The following BMERB1 variants were observed in gnomAD, a reference collection of about 807,000 sequenced individuals.
BMERB1 encodes the protein bMERB domain containing 1.
Under a neutral mutation model 23.6 loss-of-function variants are expected in BMERB1, and 12 were observed. The ratio of observed to expected loss-of-function variants is 0.51; its 90% CI spans 0.33 to 0.82. BMERB1 has a LOEUF of 0.82. BMERB1 is among the 40% of genes least tolerant of loss of function. The probability of loss-of-function intolerance (pLI) is 0.03; values close to 1 mark genes in which losing one functional copy is unlikely to be tolerated. For synonymous variants in BMERB1, 122 were observed against 96.6 expected (o/e 1.26, Z -1.54); for missense variants, 247 against 255.4 (o/e 0.97, Z 0.22).
Position 15,532,941 on chromosome 16 carries a change from G to T in BMERB1, c.230+17513G>T, listed in dbSNP as rs544138304. 2.2e-5 allele frequency: 10 copies of T among 451,496 alleles called. No individual in the cohort carries two copies. The East Asian group carries it at 7.0e-4, about 32-fold the overall frequency. The allele number at this position is 451,496 out of a possible 1,614,324, so 28.0% of individuals were successfully genotyped here. A position where few individuals can be genotyped will look rare whatever the true frequency, so the allele number is the denominator to read the frequency against. On this transcript the variant is annotated intron_variant, in intron 2 of 5. Transcript: ENST00000300006. Reference sequence around the variant, plus strand: ...CCTGGTAAGTGTGTTTACTTGCTCCGGATTAAATTACACCTAGATTTACAT... The same window carrying T: ...CCTGGTAAGTGTGTTTACTTGCTCCTGATTAAATTACACCTAGATTTACAT...
chr16:15,555,626 TG>T (rs2030232118), intron 2 of BMERB1, among the ~76,000 whole-genome samples: 1 of 152,108 alleles, frequency 6.6e-6, no homozygotes, highest in African/African-American at 2.4e-5. Flanking sequence ...TCCATTAAAA[TG>T]GCCACAGAGA....
chr16:15,541,849 G>A (rs1191988041), intron 2 of BMERB1, among the ~76,000 whole-genome samples: 15 of 150,916 alleles, frequency 9.9e-5, no homozygotes, highest in African/African-American at 2.9e-4. Context: ...TGATCCGCCC[G>A]CCTCGGCCTC....
In BMERB1 at chr16:15,445,438, G is replaced by A. The variant is rs1598442133; in HGVS notation, c.106+10679G>A. On this transcript the variant is annotated intron_variant, in intron 1 of 5. Transcript: ENST00000300006. Reference sequence around the variant, plus strand: ...GAGTAAGTAGGGGGCTGGCAGCAGGGTAGCTAATGGAGCAAAGAGGAGGGG... The same window carrying A: ...GAGTAAGTAGGGGGCTGGCAGCAGGATAGCTAATGGAGCAAAGAGGAGGGG... Among the ~76,000 whole-genome samples the A allele has an allele frequency of 3.3e-5, 5 of 152,300 alleles. No individual in the cohort carries two copies. The South Asian group carries it at 8.3e-4, about 25-fold the overall frequency.
At chr16:15,434,879 G>C in intron 1 of BMERB1, 120 bp downstream of exon 1, 1 of 814,866 alleles carries the variant, frequency 1.2e-6, no homozygotes, top group South Asian at 1.8e-5. Context: ...CCCCGCAGCG[G>C]GGCTGGCAGC....
chr16:15,545,190 C>A (rs1270849407), intron 2 of BMERB1, among the ~76,000 whole-genome samples: 1 of 152,070 alleles, frequency 6.6e-6, no homozygotes, highest in Non-Finnish European at 1.5e-5. Flanking sequence ...CCAGGCTGGT[C>A]TCGAACTCCT....
chr16:15,507,606 G>A (rs1426260949), intron 1 of BMERB1, among the ~76,000 whole-genome samples: 2 of 152,098 alleles, frequency 1.3e-5, no homozygotes, highest in African/African-American at 2.4e-5. Flanking sequence ...TGCTCCTCCC[G>A]TTTCTTCCCG....
intron 1 of BMERB1, 114 bp downstream of exon 1, chr16:15,434,873 G>A (rs1358035874): frequency 1.1e-5 from 10 of 869,912 alleles, no homozygotes; most frequent in South Asian, 1.8e-5. Flanking sequence ...AAGCGCCCCC[G>A]CAGCGGGGCT....
intron 3 of BMERB1, among the ~76,000 whole-genome samples, chr16:15,570,017 GC>G (rs2030683239): frequency 6.6e-6 from 1 of 152,166 alleles, no homozygotes; most frequent in Admixed American, 6.5e-5. Flanking sequence ...ATTAAGGGCA[GC>G]TTGGAGGTTA....
At chr16:15,499,970 T>G (rs1455369805) in intron 1 of BMERB1, among the ~76,000 whole-genome samples, 1 of 152,202 alleles carries the variant, frequency 6.6e-6, no homozygotes, top group African/African-American at 2.4e-5. Flanking sequence ...TCAATATAGT[T>G]AATAGCAATG....
chr16:15,470,235 G>T (rs1352621160), intron 1 of BMERB1, among the ~76,000 whole-genome samples: 1 of 152,094 alleles, frequency 6.6e-6, no homozygotes, highest in Non-Finnish European at 1.5e-5. Context: ...TGATACAATT[G>T]TATGATTTTT....
At chr16:15,567,019 C>T (rs1287894293) in intron 2 of BMERB1, among the ~76,000 whole-genome samples, 1 of 151,616 alleles carries the variant, frequency 6.6e-6, no homozygotes. Flanking sequence ...CCTCTCTCTA[C>T]AAAAAACTGT....
chr16:15,475,411 G>A (rs1289547309), intron 1 of BMERB1, among the ~76,000 whole-genome samples: 1 of 152,204 alleles, frequency 6.6e-6, no homozygotes, highest in African/African-American at 2.4e-5. Context: ...CTTTGCTAGA[G>A]GGACTCACAG....
intron 1 of BMERB1, among the ~76,000 whole-genome samples, chr16:15,488,588 C>T (rs929179774): frequency 2.6e-5 from 4 of 151,342 alleles, no homozygotes; most frequent in African/African-American, 9.7e-5. Context: ...AATCCCAGCA[C>T]TTTGGGAGGC....
At position 15,480,606 on chromosome 16, in the gene BMERB1, C is replaced by CTTTT. The variant is rs1159247360; in HGVS notation, c.107-34677_107-34674dup. On this transcript the variant is annotated intron_variant, in intron 1 of 5. Transcript: ENST00000300006. ...TTCATCCATATGCCAATTCCACTGT[C>CTTTT]TTTTTTTTTTTTTTTTTTTTTTTTT... is the stretch of plus-strand genomic sequence containing the variant. Among the ~76,000 whole-genome samples the CTTTT allele has an allele frequency of 5.7e-3, 339 of 59,010 alleles. 2 individuals are homozygous for CTTTT. The highest frequency in any genetic ancestry group is 9.0e-3 in the African/African-American group (136 of 15,082). The allele number at this position is 59,010 out of a possible 152,430, so 38.7% of individuals were successfully genotyped here.
In BMERB1 at chr16:15,497,246, A is replaced by G. The variant is rs1269224848; in HGVS notation, c.107-18059A>G. ...CTCACATCCATCTCCCTGACCAACT[A>G]AAATCAAGGGTTTATACAGCAGGGA... On this transcript the variant is annotated intron_variant, in intron 1 of 5. Coordinates refer to ENST00000300006, the MANE Select transcript of BMERB1 (RefSeq NM_033201.3). Among the ~76,000 whole-genome samples, 6 of 152,190 alleles carry G rather than the reference A, an allele frequency of 3.9e-5. No homozygotes were observed. In the South Asian group the frequency reaches 6.2e-4, roughly 16 times the overall value.
chr16:15,526,928 GTAAA>G (rs1218933194), intron 2 of BMERB1, among the ~76,000 whole-genome samples: 1 of 147,536 alleles, frequency 6.8e-6, no homozygotes, highest in African/African-American at 2.5e-5. Context: ...TGAAATAATA[GTAAA>G]TAATAATAAA....
intron 1 of BMERB1, among the ~76,000 whole-genome samples, chr16:15,485,563 C>T (rs556446965): frequency 7.7e-4 from 117 of 152,140 alleles, no homozygotes; most frequent in Non-Finnish European, 1.4e-3. Flanking sequence ...GGAAATTATG[C>T]AGCCACATTT....
At chr16:15,436,208 T>C (rs984001682) in intron 1 of BMERB1, among the ~76,000 whole-genome samples, 3 of 151,894 alleles carry the variant, frequency 2.0e-5, no homozygotes, top group Non-Finnish European at 4.4e-5. Flanking sequence ...ATTACACTCC[T>C]TTTTTAAAAA....
At chr16:15,572,313 G>T (rs1332754464) in intron 3 of BMERB1, among the ~76,000 whole-genome samples, 2 of 152,318 alleles carry the variant, frequency 1.3e-5, no homozygotes, top group South Asian at 2.1e-4. Flanking sequence ...CAGTCTTGTT[G>T]TAAGGGTAGT....
Sources: allele counts gnomAD v4.1 joint callset (sites outside exome capture counted in the v4.1 genomes callset), GRCh38; gene constraint gnomAD v4.1.1; transcripts MANE v1.5; gene names NCBI Gene and HGNC (gene_info 2026-07-23, HGNC 2026-07-21).